SORCS1: variants seen among roughly 807,000 people sequenced by gnomAD.
SORCS1 encodes VPS10 domain-containing receptor SorCS1.
In SORCS1, 60 loss-of-function variants were observed where a neutral mutation model predicts 146.1. The ratio of observed to expected loss-of-function variants is 0.41; its 90% CI spans 0.33 to 0.51. SORCS1 has a LOEUF of 0.51. Among genes scored for constraint, SORCS1 ranks in the 20% least tolerant of loss-of-function variants. The pLI is 0.21. For missense variants in SORCS1, 1,352 were observed against 1,487.6 expected (o/e 0.91, Z 1.50); for synonymous variants, 637 against 584.0 (o/e 1.09, Z -1.31).
chr10:106,803,874 C>A (rs1479612273), intron 3 of SORCS1, among the ~76,000 whole-genome samples: 1 of 152,146 alleles, frequency 6.6e-6, no homozygotes, highest in Non-Finnish European at 1.5e-5. Flanking sequence ...TTGATTTCTG[C>A]AAGGACATTT....
At chr10:107,052,764 T>C (rs1158985597) in intron 1 of SORCS1, among the ~76,000 whole-genome samples, 1 of 152,160 alleles carries the variant, frequency 6.6e-6, no homozygotes, top group East Asian at 1.9e-4. Flanking sequence ...TGTTCTATAA[T>C]GGGAATTTTT....
At chr10:107,081,175 T>C (rs1269740529) in intron 1 of SORCS1, among the ~76,000 whole-genome samples, 1 of 152,152 alleles carries the variant, frequency 6.6e-6, no homozygotes, top group East Asian at 1.9e-4. Context: ...TCCCTACCTA[T>C]ACTAGAAGAA....
chr10:106,783,154 T>C (rs923452695), intron 3 of SORCS1, among the ~76,000 whole-genome samples: 1 of 152,214 alleles, frequency 6.6e-6, no homozygotes, highest in Non-Finnish European at 1.5e-5. Context: ...TTGAAGACAG[T>C]AGTGATACCA....
intron 1 of SORCS1, among the ~76,000 whole-genome samples, chr10:106,994,652 G>T (rs997901576): frequency 6.6e-6 from 1 of 152,140 alleles, no homozygotes; most frequent in Non-Finnish European, 1.5e-5. Context: ...TAAAAGTAAT[G>T]GTTCAGATTC....
intron 5 of SORCS1, among the ~76,000 whole-genome samples, chr10:106,759,096 G>A (rs995685133): frequency 6.6e-6 from 1 of 152,148 alleles, no homozygotes. Flanking sequence ...GGGGTTTTAG[G>A]GCAGTGTTTG....
In SORCS1 at chr10:106,672,717, G is replaced by A. The variant is rs529657375; in HGVS notation, c.2058+151C>T. The A allele has an allele frequency of 1.2e-4, 78 of 649,010 alleles. No homozygotes were observed. In the African/African-American group the frequency reaches 1.4e-3, roughly 11 times the overall value. 40.2% of individuals were successfully genotyped at this position (649,010 alleles called of 1,614,324 possible). On this transcript the variant is annotated intron_variant, in intron 15 of 25. Coordinates refer to ENST00000263054, the MANE Select transcript of SORCS1 (RefSeq NM_052918.5). Reference sequence around the variant, plus strand: ...ACAACAAGCTATTAATGGTGAGTTTGTTCACTGCTGTGGAACACAAATGTG... The same window carrying A: ...ACAACAAGCTATTAATGGTGAGTTTATTCACTGCTGTGGAACACAAATGTG...
At chr10:106,858,357 C>T (rs910873170) in intron 2 of SORCS1, among the ~76,000 whole-genome samples, 6 of 151,968 alleles carry the variant, frequency 3.9e-5, no homozygotes, top group African/African-American at 1.2e-4. Flanking sequence ...CAGTGGCTCA[C>T]GTCTGTAATC....
intron 1 of SORCS1, among the ~76,000 whole-genome samples, chr10:107,028,920 A>G (rs1386781733): frequency 6.6e-6 from 1 of 152,226 alleles, no homozygotes; most frequent in Non-Finnish European, 1.5e-5. Context: ...CATCATTAAA[A>G]TGAATCAGTT....
intron 4 of SORCS1, among the ~76,000 whole-genome samples, chr10:106,775,670 G>T (rs10509822): frequency 0.033 from 5,055 of 152,260 alleles, 124 homozygotes; most frequent in East Asian, 0.11. Flanking sequence ...AGAATTCTCA[G>T]AATGACTTCA....
chr10:107,098,433 A>C (rs1964680946), intron 1 of SORCS1, among the ~76,000 whole-genome samples: 1 of 152,194 alleles, frequency 6.6e-6, no homozygotes, highest in African/African-American at 2.4e-5. Flanking sequence ...CTATTGCCTA[A>C]ATCAATAATT....
intron 1 of SORCS1, among the ~76,000 whole-genome samples, chr10:107,116,404 TAC>T (rs201762100): frequency 2.0e-5 from 3 of 152,032 alleles, no homozygotes; most frequent in Admixed American, 6.6e-5. Flanking sequence ...AAATTATATA[TAC>T]ACACACATAC....
chr10:107,144,364 A>G (rs1418953003), intron 1 of SORCS1, among the ~76,000 whole-genome samples: 1 of 152,252 alleles, frequency 6.6e-6, no homozygotes, highest in East Asian at 1.9e-4. Flanking sequence ...TAATAATACT[A>G]AAACAAAGAT....
intron 1 of SORCS1, among the ~76,000 whole-genome samples, chr10:107,033,885 G>A (rs1434802506): frequency 6.6e-6 from 1 of 152,184 alleles, no homozygotes; most frequent in African/African-American, 2.4e-5. Context: ...TGGGGTGAGG[G>A]AGCCTAGAGC....
chr10:106,925,394 T>C (rs1952963696), intron 2 of SORCS1, among the ~76,000 whole-genome samples: 1 of 152,192 alleles, frequency 6.6e-6, no homozygotes, highest in African/African-American at 2.4e-5. Flanking sequence ...CTTAACTGGC[T>C]GTCCCTGCAG....
intron 2 of SORCS1, among the ~76,000 whole-genome samples, chr10:106,868,247 T>C (rs1227770910): frequency 2.0e-5 from 3 of 152,086 alleles, no homozygotes; most frequent in Non-Finnish European, 2.9e-5. Flanking sequence ...CACATAATAA[T>C]AGCGGGAGAC....
chr10:106,768,098 G>A (rs1484301353), intron 4 of SORCS1, among the ~76,000 whole-genome samples: 2 of 152,126 alleles, frequency 1.3e-5, no homozygotes, highest in African/African-American at 2.4e-5. Context: ...GGCCTTCCTT[G>A]TTTGCATATG....
intron 2 of SORCS1, among the ~76,000 whole-genome samples, chr10:106,851,595 T>C (rs948841186): frequency 1.3e-5 from 2 of 152,250 alleles, no homozygotes; most frequent in Admixed American, 6.5e-5. Context: ...CAAACTGTCC[T>C]GATTACTACA....
At chr10:107,052,291 A>T (rs963432728) in intron 1 of SORCS1, among the ~76,000 whole-genome samples, 17 of 152,288 alleles carry the variant, frequency 1.1e-4, no homozygotes, top group African/African-American at 3.8e-4. Flanking sequence ...TCCAGTCCAA[A>T]TCAAGGATCA....
At chr10:107,015,326 T>C (rs114418596) in intron 1 of SORCS1, among the ~76,000 whole-genome samples, 1 of 152,284 alleles carries the variant, frequency 6.6e-6, no homozygotes, top group African/African-American at 2.4e-5. Context: ...AGAAGGTGAC[T>C]TGTGTTATTG....
Sources: allele counts gnomAD v4.1 joint callset (sites outside exome capture counted in the v4.1 genomes callset), GRCh38; gene constraint gnomAD v4.1.1; transcripts MANE v1.5; gene names NCBI Gene and HGNC (gene_info 2026-07-23, HGNC 2026-07-21).